PLCB2: variants seen among roughly 807,000 people sequenced by gnomAD.
The protein encoded by PLCB2 is phospholipase C beta 2.
A neutral mutation model predicts 141.7 loss-of-function variants in PLCB2; 115 were observed. The observed-to-expected ratio is 0.81, with a 90% CI of 0.70 to 0.95. The LOEUF (loss-of-function observed/expected upper bound fraction) is 0.95. Among genes scored for constraint, PLCB2 ranks in the 40% least tolerant of loss-of-function variants. PLCB2 has a pLI of 0.00. For synonymous variants in PLCB2, 603 were observed against 595.6 expected, an observed-to-expected ratio of 1.01 and a Z score of -0.18; for missense variants, 1,403 against 1,541.1, an observed-to-expected ratio of 0.91 and a Z score of 1.50.
chr15:40,297,959 C>T lies in PLCB2; in HGVS notation c.1156G>A (p.Glu386Lys). The T allele has an allele frequency of 6.2e-7, 1 of 1,602,160 alleles. No individual in the cohort carries two copies. Among genetic ancestry groups the T allele is most frequent in the East Asian group, 2.2e-5 (1 of 44,776 alleles). ...CTTTCTGCAATAGCCTCAATTGCTT[C>T]CTGGAGGAGAAGGAGACTCCATGAA... is the stretch of plus-strand genomic sequence containing the variant. ...FTMTTDIFFK[E>K]AIEAIAESAF... is the part of the protein sequence containing the mutation. Residue 386 changes from glutamate to lysine, a missense_variant and splice_region_variant, in exon 12 of 32, where the codon GAA (glutamate) becomes AAA (lysine). By Grantham distance (56) the Glu-to-Lys change is moderately conservative. Coordinates refer to ENST00000260402, the MANE Select transcript of PLCB2 (RefSeq NM_004573.3). The surrounding 1 kb of genome is among the most constrained non-coding windows in gnomAD (Gnocchi z 4.2).
chr15:40,301,792 T>G, intron 7 of PLCB2, 165 bp downstream of exon 7: 1 of 706,958 alleles, frequency 1.4e-6, no homozygotes, highest in Non-Finnish European at 2.6e-6. Flanking sequence ...GCTCCACCCC[T>G]GTGCCTAGTG....
Position 40,288,837 on chromosome 15 carries a change from G to C in PLCB2, c.3436C>G (p.Leu1146Val). Residue 1146 changes from leucine (L) to valine (V), a missense_variant, in exon 32 of 32, where the codon CTC becomes GTC. Coordinates refer to ENST00000260402, the MANE Select transcript of PLCB2 (RefSeq NM_004573.3). ...AEVKESVRAC[L>V]RTCFPSEAKD... ...GCCTCGGAGGGAAAGCAGGTCCTGA[G>C]GCAGGCCCTCACCGACTCCTTCACC... is the stretch of plus-strand genomic sequence containing the variant. 1.2e-6 allele frequency: 2 copies of C among 1,614,034 alleles called. No homozygotes were observed. Among genetic ancestry groups the C allele is most frequent in the South Asian group, 2.2e-5 (2 of 91,074 alleles).
At chr15:40,285,531 C>T (rs1050896625), downstream of PLCB2, 9 of 985,110 alleles carry the variant, frequency 9.1e-6, no homozygotes, top group African/African-American at 1.7e-5. Flanking sequence ...ATTTAGAGTG[C>T]AGCCCTCAAA....
Position 40,302,031 on chromosome 15 carries a change from AG to A in PLCB2, c.507del (p.Phe171SerfsTer43). 11 of 1,614,162 alleles carry A rather than the reference AG, an allele frequency of 6.8e-6. No individual in the cohort carries two copies. Among genetic ancestry groups the A allele is most frequent in the Non-Finnish European group, 9.3e-6 (11 of 1,180,028 alleles). The stretch of plus-strand genomic sequence containing the variant: ...CGGTCAGCAGGAAACATCTGGAAAA[AG>A]CTGAAGGGGCAGAGAAAGGTACCAG... ...LNSEGKIPVKNFFQMFPADRK... is the reference protein window; with the variant it reads ...LNSEGKIPVKXFFQMFPADRK... On this transcript the variant is annotated frameshift_variant and splice_region_variant, in exon 7 of 32. Coordinates refer to ENST00000260402, the MANE Select transcript of PLCB2 (RefSeq NM_004573.3). LOFTEE classifies it high-confidence loss of function.
chr15:40,291,063 C>G lies in PLCB2; in HGVS notation c.2991G>C (p.Glu997Asp). 1 of 1,591,394 alleles carries G rather than the reference C, an allele frequency of 6.3e-7. No individual in the cohort carries two copies. Among genetic ancestry groups the G allele is most frequent in the African/African-American group, 1.3e-5 (1 of 74,820 alleles). Reference protein sequence around the residue: ...LELELLRQGEEQYECVLKRKE... With the variant: ...LELELLRQGEDQYECVLKRKE... ...TGCGCTTCAGAACGCACTCGTACTG[C>G]TCCTCGCCCTGCCGCAGCAGCTCCA... The change falls in exon 27 of 32, where the codon GAG becomes GAC. Residue 997 changes from glutamate to aspartate, a missense_variant. Glu to Asp is a conservative substitution (Grantham distance 45). Around this residue, in one of 4 missense-constraint regions of PLCB2, gnomAD observed 290 missense variants for 245.9 expected, o/e 1.18. Transcript: ENST00000260402.
Position 40,296,111 on chromosome 15 carries a change from C to T in PLCB2, c.1696+185G>A, listed in dbSNP as rs374823830. 4.5e-3 allele frequency among the ~76,000 whole-genome samples: 680 copies of T among 152,276 alleles called. 6 individuals carry two copies. Among genetic ancestry groups the T allele is most frequent in the Middle Eastern group, 0.027 (8 of 294 alleles). ...CCTGTCATAACGCCCAGCCTGTCACCGACACACTCCAGAGCATTCTGTTTG... is the reference window on the plus strand; with the variant it reads ...CCTGTCATAACGCCCAGCCTGTCACTGACACACTCCAGAGCATTCTGTTTG... On this transcript the variant is annotated intron_variant, in intron 16 of 31. Transcript: ENST00000260402.
At chr15:40,286,560 T>G (rs543875667), downstream of PLCB2, among the ~76,000 whole-genome samples, 1 of 152,096 alleles carries the variant, frequency 6.6e-6, no homozygotes, top group Non-Finnish European at 1.5e-5. Flanking sequence ...GACCCTTCTC[T>G]TTGTGCAAAA....
chr15:40,304,022 T>G lies in PLCB2; in HGVS notation c.141A>C (p.Leu47Phe). The change falls in exon 2 of 32, where the codon TTA becomes TTC. Residue 47 changes from leucine (L) to phenylalanine (F), a missense_variant. Physicochemically the swap from Leu to Phe is conservative, Grantham distance 22. This residue lies in a region of PLCB2 where 975 missense variants were observed against 1,141.1 expected (regional missense o/e 0.85). Transcript: ENST00000260402. ...TCACCTTACTTTGATACGTCCAGTA[T>G]AAGTAGTAGCCCTTAGGATCCACAC... The part of the protein sequence containing the change: ...ILRVDPKGYY[L>F]YWTYQSKEME... 6.3e-7 allele frequency: 1 copy of G among 1,596,564 alleles called. No individual in the cohort carries two copies. The highest frequency in any genetic ancestry group is 1.7e-5 in the Admixed American group (1 of 57,154).
chr15:40,301,630 C>A (rs748631633), intron 7 of PLCB2: 5 of 702,890 alleles, frequency 7.1e-6, no homozygotes, highest in Non-Finnish European at 1.3e-5. Flanking sequence ...TCACGCTCAG[C>A]TCCCATTCCC....
chr15:40,297,310 C>T lies in PLCB2; in HGVS notation c.1323+211G>A, dbSNP rs1232597720. On this transcript the variant is annotated intron_variant, in intron 13 of 31. Transcript: ENST00000260402. The surrounding 1 kb of genome is among the most constrained non-coding windows in gnomAD (Gnocchi z 4.2). ...TCTGTCTCCTCACTAGAGGGTAATACACCTGAGGGCAGTGACTGTGTCTTT... is the reference window on the plus strand; with the variant it reads ...TCTGTCTCCTCACTAGAGGGTAATATACCTGAGGGCAGTGACTGTGTCTTT... 6.6e-6 allele frequency among the ~76,000 whole-genome samples: 1 copy of T among 152,038 alleles called. No homozygotes were observed. The highest frequency in any genetic ancestry group is 1.5e-5 in the Non-Finnish European group (1 of 67,996).
At chr15:40,293,814 G>C (rs1203936851) in intron 19 of PLCB2, 90 bp from the exon 20 acceptor site, 2 of 1,338,780 alleles carry the variant, frequency 1.5e-6, no homozygotes, top group Non-Finnish European at 2.1e-6. Flanking sequence ...TAGAGCTGAA[G>C]CATTCGTTCT....
At chr15:40,293,748 C>T in intron 19 of PLCB2, 24 bp from the exon 20 acceptor site, 1 of 1,598,598 alleles carries the variant, frequency 6.3e-7, no homozygotes, top group Non-Finnish European at 8.6e-7. Flanking sequence ...CCCAGGAAAA[C>T]CAGCATCAAA....
chr15:40,307,465 C>A, intron 1 of PLCB2, 124 bp downstream of exon 1: 1 of 563,346 alleles, frequency 1.8e-6, no homozygotes. Flanking sequence ...AGCTGCCTGG[C>A]CAAACCACAC....
chr15:40,298,285 G>C lies in PLCB2; in HGVS notation c.1093C>G (p.Pro365Ala). The change falls in exon 11 of 32, where the codon CCC becomes GCC. Residue 365 changes from proline to alanine, a missense_variant. By Grantham distance (27) the Pro-to-Ala change is conservative. This residue lies in a region of PLCB2 where 975 missense variants were observed against 1,141.1 expected (regional missense o/e 0.85). Coordinates refer to ENST00000260402, the MANE Select transcript of PLCB2 (RefSeq NM_004573.3). ...GTGATAATGGGCTCCTCGTCAGGGG[G>C]TTTCCCCTTCCAGCAGTCTAGCTCC... ...CVELDCWKGK[P>A]PDEEPIITHG... is the part of the protein sequence containing the mutation. 1 of 1,603,982 alleles carries C rather than the reference G, an allele frequency of 6.2e-7. No individual in the cohort carries two copies. The highest frequency in any genetic ancestry group is 1.7e-5 in the Admixed American group (1 of 58,974).
At position 40,289,376 on chromosome 15, in the gene PLCB2, G is replaced by A. The variant is rs1462786435; in HGVS notation, c.3268-18C>T. ...TCCGTCATCTGGGTGGGAGTGGATG[G>A]CAGAGAATCAGGACAACACAGACAG... On this transcript the variant is annotated intron_variant, in intron 30 of 31. Transcript: ENST00000260402. The A allele has an allele frequency of 1.9e-6, 3 of 1,593,624 alleles. No individual in the cohort carries two copies. In the South Asian group the frequency reaches 3.3e-5, roughly 18 times the overall value.
Position 40,297,430 on chromosome 15 carries a change from T to C in PLCB2, c.1323+91A>G. On this transcript the variant is annotated intron_variant, in intron 13 of 31. Coordinates refer to ENST00000260402, the MANE Select transcript of PLCB2 (RefSeq NM_004573.3). This position sits in a 1 kb window ranked among gnomAD's most constrained non-coding sequence, Gnocchi z 4.2. ...TCTAACCAAGTGAACCCTAGCATCC[T>C]CTGGGAGTGTCTCCCTCCCTAACCT... 1.0e-6 allele frequency: 1 copy of C among 957,124 alleles called. No individual in the cohort carries two copies. The highest frequency in any genetic ancestry group is 1.7e-6 in the Non-Finnish European group (1 of 585,940). 59.3% of individuals were successfully genotyped at this position (957,124 alleles called of 1,614,324 possible). A position where few individuals can be genotyped will look rare whatever the true frequency, so the allele number is the denominator to read the frequency against.
rs758130595 is a variant in PLCB2 at position 40,288,855 on chromosome 15, C to T, written c.3418G>A (p.Glu1140Lys). ...GTCCTGAGGCAGGCCCTCACCGACT[C>T]CTTCACCTCTGCCTCCAGACCCTTC... ...RMKGLEAEVK[E>K]SVRACLRTCF... Residue 1140 changes from glutamate to lysine, a missense_variant, in exon 32 of 32, where the codon GAG becomes AAG. Glu to Lys is a moderately conservative substitution (Grantham distance 56, BLOSUM62 1). Around this residue, in one of 4 missense-constraint regions of PLCB2, gnomAD observed 132 missense variants for 132.4 expected, o/e 1.00. Coordinates refer to ENST00000260402, the MANE Select transcript of PLCB2 (RefSeq NM_004573.3). 5 of 1,614,094 alleles carry T rather than the reference C, an allele frequency of 3.1e-6. No homozygotes were observed. Among genetic ancestry groups the T allele is most frequent in the Middle Eastern group, 1.7e-4 (1 of 6,028 alleles).
Position 40,297,493 on chromosome 15 carries a change from C to T in PLCB2, c.1323+28G>A. ...GCCCCAGGTTCCCAGGCCCAAGGCT[C>T]AAATGTCCCACAGCGAAGCCCACTC... On this transcript the variant is annotated intron_variant, in intron 13 of 31. Coordinates refer to ENST00000260402, the MANE Select transcript of PLCB2 (RefSeq NM_004573.3). The surrounding 1 kb of genome is among the most constrained non-coding windows in gnomAD (Gnocchi z 4.2). 1 of 1,575,440 alleles carries T rather than the reference C, an allele frequency of 6.3e-7. No individual in the cohort carries two copies. The highest frequency in any genetic ancestry group is 1.1e-5 in the South Asian group (1 of 90,294).
chr15:40,299,114 C>T lies in PLCB2; in HGVS notation c.683+14G>A, dbSNP rs776855805. On this transcript the variant is annotated intron_variant, in intron 8 of 31. Coordinates refer to ENST00000260402, the MANE Select transcript of PLCB2 (RefSeq NM_004573.3). Reference sequence around the variant, plus strand: ...CACCCTTTTCCCATGACCAGCACAACCCAAGAAACTCACTAAGAAGTGAAG... The same window carrying T: ...CACCCTTTTCCCATGACCAGCACAATCCAAGAAACTCACTAAGAAGTGAAG... 2 of 1,601,186 alleles carry T rather than the reference C, an allele frequency of 1.2e-6. No homozygotes were observed. Among genetic ancestry groups the T allele is most frequent in the Non-Finnish European group, 1.7e-6 (2 of 1,168,332 alleles).
Sources: allele counts gnomAD v4.1 joint callset (sites outside exome capture counted in the v4.1 genomes callset), GRCh38; gene constraint gnomAD v4.1.1; regional missense constraint gnomAD v4.1.1; non-coding constraint Gnocchi (gnomAD v3.1); transcripts MANE v1.5; gene names NCBI Gene and HGNC (gene_info 2026-07-23, HGNC 2026-07-21).